The following DMXL1 variants were observed in gnomAD, a reference collection of about 807,000 sequenced individuals.
DMXL1 encodes the protein Dmx like 1.
In DMXL1, 99 loss-of-function variants were observed where a neutral mutation model predicts 319.2. The observed-to-expected ratio is 0.31, with a 90% confidence interval of 0.26 to 0.37. The LOEUF is 0.37. Among genes scored for constraint, DMXL1 ranks in the 10% least tolerant of loss-of-function variants. DMXL1 has a pLI of 1.00. For synonymous variants in DMXL1, 1,385 were observed against 1,235.2 expected (o/e 1.12, Z -2.54); for missense variants, 3,745 against 3,595.6 (o/e 1.04, Z -1.06).
rs1790048022 is a variant in DMXL1 at position 119,247,881 on chromosome 5, T to A, written c.*662T>A. On this transcript the variant is annotated 3_prime_UTR_variant, in exon 44 of 44. Coordinates refer to ENST00000539542, the MANE Select transcript of DMXL1 (RefSeq NM_001290321.3). ...TTGTATATATTAGCGAAAACTGGTT[T>A]TTCATGTGTTTTTGTGCCATAACAA... 1 of 151,874 alleles carries A rather than the reference T, an allele frequency of 6.6e-6. No homozygotes were observed. The highest frequency in any genetic ancestry group is 1.5e-5 in the Non-Finnish European group (1 of 67,974). The allele number at this position is 151,874 out of a possible 1,614,324, so 9.4% of individuals were successfully genotyped here.
At chr5:119,089,102 C>G (rs1561549132) in intron 1 of DMXL1, among the ~76,000 whole-genome samples, 1 of 150,826 alleles carries the variant, frequency 6.6e-6, no homozygotes, top group Non-Finnish European at 1.5e-5. Flanking sequence ...AATACTTTAT[C>G]TCTCCTTCAT....
At chr5:119,082,020 T>TATATATACACAC (rs1200957102) in intron 1 of DMXL1, among the ~76,000 whole-genome samples, 7 of 108,164 alleles carry the variant, frequency 6.5e-5, no homozygotes, top group South Asian at 3.0e-4. Context: ...TATATATATA[T>TATATATACACAC]ACACACACAC....
rs1181746710 is a variant in DMXL1, at chr5:119,193,941, C to G, written c.7428C>G (p.Leu2476=). 14 of 1,608,686 alleles carry G rather than the reference C, an allele frequency of 8.7e-6. No individual in the cohort carries two copies. Among genetic ancestry groups the G allele is most frequent in the Non-Finnish European group, 1.2e-5 (14 of 1,176,860 alleles). Residue 2476 remains leucine (L), a synonymous_variant, in exon 30 of 44, where the codon CTC becomes CTG. Coordinates refer to ENST00000539542, the MANE Select transcript of DMXL1 (RefSeq NM_001290321.3). ...ATGTTTTAGCATCAGATTTCCATCT[C>G]CAGGAACATTCTAATTCAAATTCAT... is the stretch of plus-strand genomic sequence containing the variant. The part of the protein sequence containing the change: ...DDDVLASDFH[L]QEHSNSNSYS...
intron 19 of DMXL1, among the ~76,000 whole-genome samples, chr5:119,152,353 T>A (rs1187272438): frequency 6.6e-6 from 1 of 150,430 alleles, no homozygotes; most frequent in Non-Finnish European, 1.5e-5. Flanking sequence ...GTCTTTTCTC[T>A]CCTTTTTTTT....
rs1316525057 is a variant in DMXL1 at position 119,175,319 on chromosome 5, G to A, written c.6740G>A (p.Cys2247Tyr). 1 of 1,610,694 alleles carries A rather than the reference G, an allele frequency of 6.2e-7. No individual in the cohort carries two copies. The highest frequency in any genetic ancestry group is 2.2e-5 in the East Asian group (1 of 44,712). ...TCTGCTTGTATTTATCAGTGCCTTTGTGGTAGTCATAACTACAGGTAACTA... is the reference window on the plus strand; with the variant it reads ...TCTGCTTGTATTTATCAGTGCCTTTATGGTAGTCATAACTACAGGTAACTA... Reference protein sequence around the residue: ...SLSACIYQCLCGSHNYSSFQT... With the variant: ...SLSACIYQCLYGSHNYSSFQT... Residue 2247 changes from cysteine to tyrosine, a missense_variant, in exon 26 of 44, where the codon TGT (cysteine) becomes TAT (tyrosine). By Grantham distance (194) the Cys-to-Tyr change is radical. Coordinates refer to ENST00000539542, the MANE Select transcript of DMXL1 (RefSeq NM_001290321.3).
chr5:119,199,914 A>C (rs1337680473), intron 32 of DMXL1, among the ~76,000 whole-genome samples: 1 of 151,800 alleles, frequency 6.6e-6, no homozygotes, highest in Non-Finnish European at 1.5e-5. Flanking sequence ...CCCACTTTTT[A>C]ATGGTGGTGT....
chr5:119,125,858 C>G (rs1408791082), intron 9 of DMXL1, among the ~76,000 whole-genome samples: 1 of 152,156 alleles, frequency 6.6e-6, no homozygotes. Flanking sequence ...GCCACCGCGC[C>G]TGGCCAATAT....
At chr5:119,200,925 C>G (rs1380346060) in intron 32 of DMXL1, among the ~76,000 whole-genome samples, 3 of 152,212 alleles carry the variant, frequency 2.0e-5, no homozygotes, top group Admixed American at 1.3e-4. Context: ...TTTTTGTATC[C>G]TGAAACTTTG....
At chr5:119,100,063 A>C (rs1756894524) in intron 2 of DMXL1, among the ~76,000 whole-genome samples, 1 of 152,118 alleles carries the variant, frequency 6.6e-6, no homozygotes, top group South Asian at 2.1e-4. Flanking sequence ...TTAATGAAGA[A>C]ATATTTTCTT....
chr5:119,178,046 T>G lies in DMXL1; in HGVS notation c.6937T>G (p.Ser2313Ala). 2 of 1,612,172 alleles carry G rather than the reference T, an allele frequency of 1.2e-6. No homozygotes were observed. Among genetic ancestry groups the G allele is most frequent in the Middle Eastern group, 1.7e-4 (1 of 6,054 alleles). Residue 2313 changes from serine (S) to alanine (A), a missense_variant, in exon 28 of 44, where the codon TCA becomes GCA. Transcript: ENST00000539542. ...LLNSSGEEAQ[S>A]GLTVLLCEIL... Reference sequence around the variant, plus strand: ...GAATTCTTCTGGCGAGGAAGCCCAGTCAGGGCTTACAGTCTTGCTCTGTGA... The same window carrying G: ...GAATTCTTCTGGCGAGGAAGCCCAGGCAGGGCTTACAGTCTTGCTCTGTGA...
At chr5:119,109,374 G>C (rs1309768831) in intron 4 of DMXL1, among the ~76,000 whole-genome samples, 1 of 152,126 alleles carries the variant, frequency 6.6e-6, no homozygotes, top group African/African-American at 2.4e-5. Context: ...CCCTCTTCCA[G>C]TTAAGCCCTC....
In DMXL1 at chr5:119,071,691, C is replaced by T. The variant is rs908116199; in HGVS notation, c.87+35C>T. 3.9e-6 allele frequency: 6 copies of T among 1,542,248 alleles called. No homozygotes were observed. The Admixed American group carries it at 5.8e-5, about 15-fold the overall frequency. ...GGAGGCCCTCGCGTCGCCCGTGGCCCGGCCTTTGCCCGTCATTCTGGGCCG... is the reference window on the plus strand; with the variant it reads ...GGAGGCCCTCGCGTCGCCCGTGGCCTGGCCTTTGCCCGTCATTCTGGGCCG... On this transcript the variant is annotated intron_variant, in intron 1 of 43. Transcript: ENST00000539542.
chr5:119,076,547 A>G (rs115571025), intron 1 of DMXL1, among the ~76,000 whole-genome samples: 2,274 of 152,340 alleles, frequency 0.015, 62 homozygotes, highest in African/African-American at 0.052. Flanking sequence ...ACTTCAAAAT[A>G]TGTTGGCCTG....
chr5:119,201,513 T>C (rs1410249345), intron 32 of DMXL1, among the ~76,000 whole-genome samples: 1 of 152,154 alleles, frequency 6.6e-6, no homozygotes. Context: ...ATCAAGGATA[T>C]TGGCTTGAAG....
chr5:119,241,140 C>G (rs565686044), intron 42 of DMXL1, among the ~76,000 whole-genome samples: 53 of 152,000 alleles, frequency 3.5e-4, no homozygotes, highest in African/African-American at 1.2e-3. Flanking sequence ...TTATAGGAAG[C>G]TAGAAAAAAG....
intron 1 of DMXL1, among the ~76,000 whole-genome samples, chr5:119,089,293 T>TAA (rs70982466): frequency 3.9e-5 from 1 of 25,332 alleles, no homozygotes; most frequent in Admixed American, 7.7e-4. Flanking sequence ...TATATATATA[T>TAA]TTTTTTTTTT....
chr5:119,104,335 G>A (rs1388228455), intron 3 of DMXL1: 1 of 152,210 alleles, frequency 6.6e-6, no homozygotes, highest in Non-Finnish European at 1.5e-5. Context: ...AGCATATTCT[G>A]TAGGTCACCT....
chr5:119,238,163 T>A (rs952931156), intron 40 of DMXL1, among the ~76,000 whole-genome samples: 9 of 152,002 alleles, frequency 5.9e-5, no homozygotes, highest in Non-Finnish European at 1.0e-4. Flanking sequence ...TTTTAACTTT[T>A]AAAAAAATGA....
chr5:119,206,906 A>G lies in DMXL1; in HGVS notation c.7926+10A>G. On this transcript the variant is annotated intron_variant, in intron 34 of 43. Transcript: ENST00000539542. Reference sequence around the variant, plus strand: ...GCCAAACATCAATAAGGTACAAAATATCATTCAACTGAAATTAAAAATTGC... The same window carrying G: ...GCCAAACATCAATAAGGTACAAAATGTCATTCAACTGAAATTAAAAATTGC... 3.4e-6 allele frequency: 5 copies of G among 1,487,044 alleles called. No homozygotes were observed. Among genetic ancestry groups the G allele is most frequent in the Non-Finnish European group, 4.5e-6 (5 of 1,107,960 alleles). 92.1% of individuals were successfully genotyped at this position (1,487,044 alleles called of 1,614,324 possible). A position where few individuals can be genotyped will look rare whatever the true frequency, so the allele number is the denominator to read the frequency against.
Sources: gnomAD v4.1 joint callset for allele counts (sites outside exome capture counted in the v4.1 genomes callset) on GRCh38, gnomAD v4.1.1 for gene constraint, MANE v1.5 for transcripts, NCBI Gene and HGNC (gene_info 2026-07-23, HGNC 2026-07-21) for gene names.